Variants in DOCK8 observed in about 807,000 individuals in gnomAD.
DOCK8 encodes dedicator of cytokinesis protein 8.
A neutral mutation model predicts 245.6 loss-of-function variants in DOCK8; 141 were observed. The ratio of observed to expected loss-of-function variants is 0.57; its 90% CI spans 0.50 to 0.66. DOCK8 has a LOEUF of 0.66. Ranked by LOEUF, DOCK8 falls within the 30% of genes least tolerant of loss-of-function variation. The pLI is 0.00. For synonymous variants in DOCK8, 1,168 were observed against 970.2 expected (o/e 1.20, Z -3.79); for missense variants, 2,965 against 2,603.4 (o/e 1.14, Z -3.02).
At position 238,722 on chromosome 9, in the gene DOCK8, A is replaced by G. The variant is rs939134461; in HGVS notation, c.53+23693A>G. Among the ~76,000 whole-genome samples, 5 of 152,234 alleles carry G rather than the reference A, an allele frequency of 3.3e-5. No homozygotes were observed. The South Asian group carries it at 6.2e-4, about 19-fold the overall frequency. ...GATGGCATATTTCCAGTTACAAAAT[A>G]TCACCAAACTTCTAAATAAAGACCA... On this transcript the variant is annotated intron_variant, in intron 1 of 47. Transcript: ENST00000432829.
chr9:340,345 G>A, intron 14 of DOCK8, 24 bp downstream of exon 14: 1 of 1,613,680 alleles, frequency 6.2e-7, no homozygotes, highest in Non-Finnish European at 8.5e-7. Context: ...GCTCGGGCTG[G>A]GCGTGGTGGC....
intron 1 of DOCK8, among the ~76,000 whole-genome samples, chr9:238,302 G>A (rs887386372): frequency 5.3e-5 from 8 of 152,148 alleles, no homozygotes; most frequent in South Asian, 4.1e-4. Context: ...AATAAAAAGC[G>A]TGAAAATGCT....
rs776225052 is a variant in DOCK8, at chr9:372,280, T to C, written c.2103T>C (p.Ser701=). The C allele has an allele frequency of 1.2e-6, 2 of 1,613,436 alleles. No individual in the cohort carries two copies. The highest frequency in any genetic ancestry group is 1.7e-6 in the Non-Finnish European group (2 of 1,179,538). Reference sequence around the variant, plus strand: ...TGCCACCCAACTACTCCATGCATTCTGCTGAGGTAATTGGCAAGCTGGCCA... The same window carrying C: ...TGCCACCCAACTACTCCATGCATTCCGCTGAGGTAATTGGCAAGCTGGCCA... ...EKLPPNYSMH[S]AEKVPLQNPP... is the part of the protein sequence containing the mutation. The change falls in exon 18 of 48, where the codon TCT becomes TCC. Residue 701 remains serine (S), a synonymous_variant. Transcript: ENST00000432829.
chr9:422,232 G>A, intron 33 of DOCK8, 97 bp downstream of exon 33: 2 of 1,019,296 alleles, frequency 2.0e-6, no homozygotes, highest in Non-Finnish European at 1.5e-6. Flanking sequence ...TCCTTCCAAG[G>A]GTTAGAAAAT....
At chr9:390,086 G>T (rs1037499203) in intron 23 of DOCK8, among the ~76,000 whole-genome samples, 2 of 152,110 alleles carry the variant, frequency 1.3e-5, no homozygotes, top group South Asian at 4.1e-4. Flanking sequence ...AAAACTGAGG[G>T]TGAAGAGAGG....
intron 14 of DOCK8, among the ~76,000 whole-genome samples, chr9:341,601 T>A (rs1288751127): frequency 6.6e-6 from 1 of 152,250 alleles, no homozygotes; most frequent in Non-Finnish European, 1.5e-5. Context: ...ATGTATTTCC[T>A]ATTTTTTCTC....
chr9:305,558 T>C (rs778222466), intron 5 of DOCK8, among the ~76,000 whole-genome samples: 4 of 152,202 alleles, frequency 2.6e-5, no homozygotes, highest in Non-Finnish European at 4.4e-5. Context: ...GTGCTGGGAT[T>C]ACAGGCATGA....
rs1443131188 is a variant in DOCK8, at chr9:451,185, G to A, written c.5962-826G>A. ...AAAATTAGCCAGTGTGGTGGCAGGC[G>A]CTTGTAGTCCCAGTACTTGGGAGGC... On this transcript the variant is annotated intron_variant, in intron 45 of 47. Transcript: ENST00000432829. Among the ~76,000 whole-genome samples, 7 of 151,946 alleles carry A rather than the reference G, an allele frequency of 4.6e-5. No homozygotes were observed. In the East Asian group the frequency reaches 5.8e-4, roughly 13 times the overall value.
chr9:391,667 A>T (rs1343760631), intron 24 of DOCK8, among the ~76,000 whole-genome samples: 1 of 152,174 alleles, frequency 6.6e-6, no homozygotes, highest in Non-Finnish European at 1.5e-5. Flanking sequence ...ATGCATAATG[A>T]GATGATGTTG....
intron 5 of DOCK8, among the ~76,000 whole-genome samples, chr9:307,156 A>G (rs984972721): frequency 6.6e-6 from 1 of 152,066 alleles, no homozygotes; most frequent in African/African-American, 2.4e-5. Context: ...GACAGAACCT[A>G]AAGGGAGCAG....
At chr9:338,959 A>G (rs760461214) in intron 12 of DOCK8, 47 bp from the exon 13 acceptor site, 1 of 1,534,268 alleles carries the variant, frequency 6.5e-7, no homozygotes, top group Non-Finnish European at 9.0e-7. Context: ...TCCCCAACCC[A>G]AGAGTCAAAG....
intron 34 of DOCK8, 24 bp from the exon 35 acceptor site, chr9:428,338 G>T (rs976577957): frequency 6.2e-7 from 1 of 1,613,922 alleles, no homozygotes; most frequent in Admixed American, 1.7e-5. Context: ...GGGATTCAAT[G>T]ATGCTGTTCT....
chr9:403,917 C>CATATATATATGTGT (rs2055252946), intron 26 of DOCK8, among the ~76,000 whole-genome samples: 1 of 65,142 alleles, frequency 1.5e-5, no homozygotes, highest in Non-Finnish European at 2.7e-5. Context: ...TATATATATA[C>CATATATATATGTGT]ATATATATAT....
At chr9:382,827 A>T in intron 22 of DOCK8, 142 bp downstream of exon 22, 1 of 1,131,974 alleles carries the variant, frequency 8.8e-7, no homozygotes, top group Non-Finnish European at 1.3e-6. Context: ...GGAGTGATTA[A>T]CGTTCTTTAG....
intron 1 of DOCK8, among the ~76,000 whole-genome samples, chr9:238,684 C>T (rs1438376944): frequency 1.3e-5 from 2 of 152,086 alleles, no homozygotes; most frequent in South Asian, 2.1e-4. Context: ...GAGTTAAGTT[C>T]CAGTACATAT....
intron 1 of DOCK8, among the ~76,000 whole-genome samples, chr9:221,431 A>G (rs79456417): frequency 0.078 from 11,901 of 152,200 alleles, 680 homozygotes; most frequent in African/African-American, 0.15. Flanking sequence ...TTTTCTTGTC[A>G]TTATTCCATA....
chr9:384,942 A>G (rs867909723), intron 22 of DOCK8, among the ~76,000 whole-genome samples: 1 of 152,204 alleles, frequency 6.6e-6, no homozygotes. Context: ...TAAAAAATAA[A>G]TGAAAAAACC....
intron 26 of DOCK8, among the ~76,000 whole-genome samples, chr9:400,030 A>ACCAGCAC (rs1564011657): frequency 1.2e-5 from 1 of 84,002 alleles, no homozygotes; most frequent in Non-Finnish European, 2.2e-5. Context: ...CACCTCCACC[A>ACCAGCAC]TCACCACCAC....
chr9:247,301 C>T (rs1176375839), intron 1 of DOCK8, among the ~76,000 whole-genome samples: 1 of 152,078 alleles, frequency 6.6e-6, no homozygotes, highest in Non-Finnish European at 1.5e-5. Context: ...TTATGAATAT[C>T]TATTTTACTG....
Sources: allele counts gnomAD v4.1 joint callset (sites outside exome capture counted in the v4.1 genomes callset), GRCh38; gene constraint gnomAD v4.1.1; transcripts MANE v1.5; gene names NCBI Gene and HGNC (gene_info 2026-07-23, HGNC 2026-07-21).